BBS9: variants seen among roughly 807,000 people sequenced by gnomAD.
BBS9 encodes Bardet-Biedl syndrome 9, also known as protein PTHB1.
BBS9 carries 89 observed loss-of-function variants against 117.7 expected under a neutral mutation model. That is an observed-to-expected ratio of 0.76 (90% CI 0.64 to 0.90). The LOEUF is 0.90. Ranked by LOEUF, BBS9 falls within the 40% of genes least tolerant of loss-of-function variation. The pLI is 0.00. For missense variants in BBS9, 982 were observed against 1,042.2 expected (o/e 0.94, Z 0.80); for synonymous variants, 379 against 370.9 (o/e 1.02, Z -0.25).
intron 19 of BBS9, among the ~76,000 whole-genome samples, chr7:33,392,295 G>C (rs1827195659): frequency 1.3e-5 from 2 of 152,132 alleles, no homozygotes. Context: ...GTCATGCTTG[G>C]CTGATCTTGA....
At chr7:33,455,260 T>C (rs996864401) in intron 19 of BBS9, among the ~76,000 whole-genome samples, 4 of 152,138 alleles carry the variant, frequency 2.6e-5, no homozygotes, top group Admixed American at 1.3e-4. Flanking sequence ...GAGCTGTTGG[T>C]ACTGTAGTGG....
At chr7:33,174,559 C>T (rs906106595) in intron 4 of BBS9, among the ~76,000 whole-genome samples, 2 of 152,148 alleles carry the variant, frequency 1.3e-5, no homozygotes, top group African/African-American at 4.8e-5. Context: ...TCAGCATTCA[C>T]CCCATTTGAA....
chr7:33,538,647 G>A (rs1384806124), intron 21 of BBS9, among the ~76,000 whole-genome samples: 2 of 151,782 alleles, frequency 1.3e-5, no homozygotes, highest in Non-Finnish European at 2.9e-5. Context: ...TTTAACTGTT[G>A]GTTTTACATT....
Position 33,129,883 on chromosome 7 carries a change from C to G in BBS9, c.-170C>G, listed in dbSNP as rs1176385958. ...CGTGGAACAACTTTCAGCTGGAGGACGAGAGGGAATAGTGAAGCTAAAGGT... is the reference window on the plus strand; with the variant it reads ...CGTGGAACAACTTTCAGCTGGAGGAGGAGAGGGAATAGTGAAGCTAAAGGT... On this transcript the variant is annotated 5_prime_UTR_variant, in exon 1 of 23. Coordinates refer to ENST00000242067, the MANE Select transcript of BBS9 (RefSeq NM_198428.3). 6.6e-6 allele frequency: 1 copy of G among 152,548 alleles called. No homozygotes were observed. Among genetic ancestry groups the G allele is most frequent in the Non-Finnish European group, 1.5e-5 (1 of 68,460 alleles). 9.4% of individuals were successfully genotyped at this position (152,548 alleles called of 1,614,324 possible). A position where few individuals can be genotyped will look rare whatever the true frequency, so the allele number is the denominator to read the frequency against.
intron 21 of BBS9, among the ~76,000 whole-genome samples, chr7:33,618,697 A>T (rs992193947): frequency 9.2e-5 from 14 of 152,128 alleles, no homozygotes; most frequent in African/African-American, 2.2e-4. Context: ...CTATTTTTTT[A>T]AAATGTAAAT....
chr7:33,218,057 A>G (rs1390440068), intron 5 of BBS9, among the ~76,000 whole-genome samples: 1 of 150,720 alleles, frequency 6.6e-6, no homozygotes, highest in Non-Finnish European at 1.5e-5. Flanking sequence ...TACTTAATAT[A>G]GAGCCAACCT....
At chr7:33,496,504 CAA>C (rs752966406) in intron 19 of BBS9, among the ~76,000 whole-genome samples, 7 of 122,408 alleles carry the variant, frequency 5.7e-5, no homozygotes, top group Admixed American at 8.3e-5. Flanking sequence ...GACTCCATCT[CAA>C]AAAAAAAAAA....
chr7:33,188,833 C>A (rs1783580669), intron 5 of BBS9, among the ~76,000 whole-genome samples: 2 of 151,882 alleles, frequency 1.3e-5, no homozygotes, highest in African/African-American at 4.8e-5. Flanking sequence ...AGGAAAGGTG[C>A]TTTGTAAAGG....
At chr7:33,239,519 C>T (rs577345404) in intron 5 of BBS9, among the ~76,000 whole-genome samples, 82 of 152,160 alleles carry the variant, frequency 5.4e-4, no homozygotes, top group African/African-American at 2.0e-3. Context: ...AAGCGATTCT[C>T]CTGCCTCAGT....
intron 9 of BBS9, among the ~76,000 whole-genome samples, chr7:33,282,908 G>A (rs532388868): frequency 6.6e-6 from 1 of 152,192 alleles, no homozygotes; most frequent in East Asian, 1.9e-4. Context: ...GAAACATAAG[G>A]AAAATAGCAT....
rs538533135 is a variant in BBS9 at position 33,130,222 on chromosome 7, G to A, written c.-12+181G>A. Among the ~76,000 whole-genome samples, 4 of 152,306 alleles carry A rather than the reference G, an allele frequency of 2.6e-5. No individual in the cohort carries two copies. In the East Asian group the frequency reaches 5.8e-4, roughly 22 times the overall value. Reference sequence around the variant, plus strand: ...GCACAAAGTGTATGAGATTCTGTGAGTACTTTTGAGAAAAAAGGGATGAGA... The same window carrying A: ...GCACAAAGTGTATGAGATTCTGTGAATACTTTTGAGAAAAAAGGGATGAGA... On this transcript the variant is annotated intron_variant, in intron 1 of 22. Transcript: ENST00000242067.
intron 5 of BBS9, among the ~76,000 whole-genome samples, chr7:33,249,726 C>T (rs1795941833): frequency 6.6e-6 from 1 of 151,812 alleles, no homozygotes; most frequent in Admixed American, 6.6e-5. Flanking sequence ...TTATTTTTTC[C>T]TGTATGGTTT....
chr7:33,198,894 G>A (rs1335672796), intron 5 of BBS9, among the ~76,000 whole-genome samples: 2 of 151,910 alleles, frequency 1.3e-5, no homozygotes, highest in Non-Finnish European at 2.9e-5. Flanking sequence ...GTTTTAATGT[G>A]GGTCCTGATA....
At chr7:33,480,100 A>T (rs571920838) in intron 19 of BBS9, among the ~76,000 whole-genome samples, 1 of 152,292 alleles carries the variant, frequency 6.6e-6, no homozygotes, top group East Asian at 1.9e-4. Context: ...TTGTTTTCAT[A>T]TAGCAATGCT....
rs539723696 is a variant in BBS9 at position 33,408,243 on chromosome 7, G to T, written c.2115+20099G>T. On this transcript the variant is annotated intron_variant, in intron 19 of 22. Transcript: ENST00000242067. ...CATGGGTGTAGGACCCTCTGAGCCA[G>T]GTGCGGGATATAATCTCCTGGTGCG... 8.7e-4 allele frequency among the ~76,000 whole-genome samples: 132 copies of T among 152,204 alleles called. 1 individual carries two copies. The highest frequency in any genetic ancestry group is 2.5e-3 in the East Asian group (13 of 5,174).
chr7:33,323,749 T>A (rs1812209412), intron 9 of BBS9, among the ~76,000 whole-genome samples: 1 of 151,932 alleles, frequency 6.6e-6, no homozygotes, highest in Non-Finnish European at 1.5e-5. Flanking sequence ...TCAGTTTTCA[T>A]TATTAATAAT....
At chr7:33,132,416 T>G (rs1789762130) in intron 1 of BBS9, among the ~76,000 whole-genome samples, 1 of 152,242 alleles carries the variant, frequency 6.6e-6, no homozygotes, top group South Asian at 2.1e-4. Flanking sequence ...TAGTAAATGA[T>G]TAGTAGATAC....
intron 19 of BBS9, among the ~76,000 whole-genome samples, chr7:33,430,099 A>G (rs1340793181): frequency 1.3e-5 from 2 of 152,214 alleles, no homozygotes; most frequent in Non-Finnish European, 2.9e-5. Flanking sequence ...GCTGGTGGCC[A>G]TATAAGGTTA....
intron 9 of BBS9, among the ~76,000 whole-genome samples, chr7:33,324,902 T>A (rs933734816): frequency 6.6e-6 from 1 of 152,204 alleles, no homozygotes; most frequent in Non-Finnish European, 1.5e-5. Context: ...GCTTTTAGGA[T>A]CCTTTCTTTA....
Sources: gnomAD v4.1 joint callset for allele counts (sites outside exome capture counted in the v4.1 genomes callset) on GRCh38, gnomAD v4.1.1 for gene constraint, MANE v1.5 for transcripts, NCBI Gene and HGNC (gene_info 2026-07-23, HGNC 2026-07-21) for gene names.